The following RP1 variants were observed in gnomAD, a reference collection of about 807,000 sequenced individuals.
The protein encoded by RP1 is oxygen-regulated protein 1.
RP1 carries 16 observed loss-of-function variants against 14.8 expected under a neutral mutation model. The observed-to-expected ratio is 1.08, with a 90% CI of 0.73 to 1.65. The LOEUF is 1.65. Ranked by LOEUF, RP1 falls within the 40% of genes most tolerant of loss-of-function variation. The pLI is 0.00. For missense variants in RP1, 2,631 were observed against 2,535.0 expected (o/e 1.04, Z -0.81); for synonymous variants, 876 against 883.6 (o/e 0.99, Z 0.15).
intron 19 of RP1, among the ~76,000 whole-genome samples, chr8:54,754,059 C>T (rs1466697204): frequency 6.6e-6 from 1 of 152,012 alleles, no homozygotes; most frequent in Non-Finnish European, 1.5e-5. Flanking sequence ...AGTCTGTTGG[C>T]ATGTGAAGGG....
Position 54,630,600 on chromosome 8 carries a change from A to ATTTTTTTTTTTTTTTTTGTTTTTTTTTT in RP1, c.*261_*262insTTTGTTTTTTTTTTTTTTTTTTTTTTTT, listed in dbSNP as rs10654889. 1.1e-6 allele frequency: 1 copy of ATTTTTTTTTTTTTTTTTGTTTTTTTTTT among 911,890 alleles called. No individual in the cohort carries two copies. The allele number at this position is 911,890 out of a possible 1,614,324, so 56.5% of individuals were successfully genotyped here. A position where few individuals can be genotyped will look rare whatever the true frequency, so the allele number is the denominator to read the frequency against. On this transcript the variant is annotated 3_prime_UTR_variant, in exon 4 of 4. Coordinates refer to ENST00000220676, the MANE Select transcript of RP1 (RefSeq NM_006269.2). ...CTATCTGGTTTTGTTCTGAACTTACATTTTTTTTTTTTTTGGTATCTATGA... is the reference window on the plus strand; with the variant it reads ...CTATCTGGTTTTGTTCTGAACTTACATTTTTTTTTTTTTTTTTGTTTTTTTTTTTTTTTTTTTTTTTTGGTATCTATGA...
At chr8:54,661,392 T>A (rs1343481356) in intron 6 of RP1, among the ~76,000 whole-genome samples, 1 of 149,962 alleles carries the variant, frequency 6.7e-6, no homozygotes, top group Admixed American at 6.6e-5. Flanking sequence ...GGAGGGAGGA[T>A]CGCTTGAGTC....
At chr8:54,614,063 C>G (rs1287530199), upstream of RP1, among the ~76,000 whole-genome samples, 1 of 152,144 alleles carries the variant, frequency 6.6e-6, no homozygotes, top group Admixed American at 6.5e-5. Flanking sequence ...TAACCCTCAC[C>G]AATGAGCCTA....
In RP1 at chr8:54,628,135, A is replaced by G. The variant is rs755411693; in HGVS notation, c.4253A>G (p.Asp1418Gly). Residue 1418 changes from aspartate (D) to glycine (G), a missense_variant, in exon 4 of 4, where the codon GAT becomes GGT. Transcript: ENST00000220676. Reference sequence around the variant, plus strand: ...CTTGATAAGAAACATAGTTCTCTAGATGATTTTGAAAATTGTTCACTAAGG... The same window carrying G: ...CTTGATAAGAAACATAGTTCTCTAGGTGATTTTGAAAATTGTTCACTAAGG... ...AELDKKHSSL[D>G]DFENCSLRKF... 2.5e-6 allele frequency: 4 copies of G among 1,614,032 alleles called. No individual in the cohort carries two copies. In the South Asian group the frequency reaches 3.3e-5, roughly 13 times the overall value.
chr8:54,582,889 G>A (rs561713032), intron 1 of RP1, among the ~76,000 whole-genome samples: 20 of 152,294 alleles, frequency 1.3e-4, no homozygotes, highest in Admixed American at 3.9e-4. Context: ...TCAGCTTAAG[G>A]AGATTTGGGG....
intron 15 of RP1, among the ~76,000 whole-genome samples, chr8:54,719,744 A>G (rs1808490364): frequency 6.6e-6 from 1 of 152,224 alleles, no homozygotes. Context: ...AAATTGACTT[A>G]TGGTAAGAAT....
chr8:54,629,060 T>C lies in RP1; in HGVS notation c.5178T>C (p.Asn1726=), dbSNP rs752077015. ...GDIVEPGTKQ[N]DDSRILTDIE... ...TTGTAGAACCTGGTACAAAACAAAA[T>C]GATGATAGCAGAATCCTCACAGACA... Residue 1726 remains asparagine, a synonymous_variant, in exon 4 of 4, where the codon AAT becomes AAC. Coordinates refer to ENST00000220676, the MANE Select transcript of RP1 (RefSeq NM_006269.2). 8.7e-6 allele frequency: 14 copies of C among 1,613,866 alleles called. No individual in the cohort carries two copies. Among genetic ancestry groups the C allele is most frequent in the Admixed American group, 5.0e-5 (3 of 59,990 alleles).
At chr8:54,594,846 A>G (rs1805104112) in intron 1 of RP1, among the ~76,000 whole-genome samples, 1 of 152,190 alleles carries the variant, frequency 6.6e-6, no homozygotes, top group Non-Finnish European at 1.5e-5. Context: ...AATTAAAAAG[A>G]CCATGTATGA....
chr8:54,669,618 G>C lies in RP1; in HGVS notation c.1324-4232G>C, dbSNP rs568813108. Among the ~76,000 whole-genome samples the C allele has an allele frequency of 2.2e-4, 33 of 152,220 alleles. 1 individual carries two copies. Among genetic ancestry groups the C allele is most frequent in the Non-Finnish European group, 4.4e-4 (30 of 68,006 alleles). ...CACTATTCACAATAGCAAAGACTTG[G>C]AACCAACCCAAATGTCCATCAGTGA... On this transcript the variant is annotated intron_variant, in intron 7 of 22. Transcript: ENST00000636932.
chr8:54,629,228 G>A lies in RP1; in HGVS notation c.5346G>A (p.Glu1782=). 2 of 1,614,044 alleles carry A rather than the reference G, an allele frequency of 1.2e-6. No homozygotes were observed. Among genetic ancestry groups the A allele is most frequent in the Non-Finnish European group, 1.7e-6 (2 of 1,179,948 alleles). ...CCCTACTTGATAATAACAGCAGTGA[G>A]GTACCATATTCACATTTTGGTAATT... ...VDTLLDNNSS[E]VPYSHFGNLA... Residue 1782 remains glutamate (E), a synonymous_variant, in exon 4 of 4, where the codon GAG becomes GAA. Transcript: ENST00000220676.
intron 4 of RP1, among the ~76,000 whole-genome samples, chr8:54,652,031 G>T: frequency 7.0e-6 from 1 of 143,758 alleles, no homozygotes. Flanking sequence ...TTTCTGAGAT[G>T]GAGTCTATCT....
At chr8:54,607,312 C>G (rs1013747474) in intron 1 of RP1, among the ~76,000 whole-genome samples, 2 of 152,332 alleles carry the variant, frequency 1.3e-5, no homozygotes, top group South Asian at 4.1e-4. Context: ...AGGTCCACTC[C>G]AGACCCTGTT....
At chr8:54,822,003 A>G (rs191637085) in intron 24 of RP1, among the ~76,000 whole-genome samples, 2 of 152,352 alleles carry the variant, frequency 1.3e-5, no homozygotes, top group Non-Finnish European at 1.5e-5. Context: ...CTAAGCTGCA[A>G]AGACCATCAT....
chr8:54,789,844 C>T (rs568760222), intron 24 of RP1, among the ~76,000 whole-genome samples: 1 of 152,288 alleles, frequency 6.6e-6, no homozygotes, highest in East Asian at 1.9e-4. Context: ...AGGCAACCCA[C>T]CCAATAACCC....
intron 3 of RP1, among the ~76,000 whole-genome samples, chr8:54,636,438 AT>A (rs1806346945): frequency 6.6e-6 from 1 of 152,204 alleles, no homozygotes; most frequent in South Asian, 2.1e-4. Context: ...AGAAACCATC[AT>A]AAAAATCACA....
At chr8:54,575,021 A>T (rs1421422359) in intron 1 of RP1, among the ~76,000 whole-genome samples, 2 of 152,232 alleles carry the variant, frequency 1.3e-5, no homozygotes, top group Non-Finnish European at 2.9e-5. Context: ...CAGAACTTGT[A>T]CAAAAGAGTG....
At chr8:54,584,189 T>C (rs1474576642) in intron 1 of RP1, among the ~76,000 whole-genome samples, 1 of 152,250 alleles carries the variant, frequency 6.6e-6, no homozygotes, top group Non-Finnish European at 1.5e-5. Flanking sequence ...CCAGAGATTC[T>C]GGTATGTTGT....
chr8:54,622,383 TC>T, intron 3 of RP1, 95 bp downstream of exon 3: 1 of 1,025,920 alleles, frequency 9.7e-7, no homozygotes, highest in Non-Finnish European at 1.5e-6. Flanking sequence ...ACCAGTTTCT[TC>T]CACCACAGAA....
intron 1 of RP1, among the ~76,000 whole-genome samples, chr8:54,616,807 A>G (rs957187946): frequency 2.6e-5 from 4 of 152,228 alleles, no homozygotes; most frequent in African/African-American, 9.7e-5. Context: ...GAAATGACGC[A>G]TGTAACTCTG....
Sources: gnomAD v4.1 joint callset for allele counts (sites outside exome capture counted in the v4.1 genomes callset) on GRCh38, gnomAD v4.1.1 for gene constraint, MANE v1.5 for transcripts, NCBI Gene and HGNC (gene_info 2026-07-23, HGNC 2026-07-21) for gene names.